Variants in GLCE observed in about 807,000 individuals in gnomAD.
The protein encoded by GLCE is glucuronic acid epimerase.
Under a neutral mutation model 47.9 loss-of-function variants are expected in GLCE, and 19 were observed. The ratio of observed to expected loss-of-function variants is 0.40; its 90% confidence interval spans 0.28 to 0.58. GLCE has a LOEUF of 0.58. Ranked by LOEUF, GLCE falls within the 20% of genes least tolerant of loss-of-function variation. GLCE has a pLI of 0.48. For missense variants in GLCE, 556 were observed against 743.3 expected, an observed-to-expected ratio of 0.75 and a Z score of 2.93; for synonymous variants, 245 against 263.4, an observed-to-expected ratio of 0.93 and a Z score of 0.68.
At chr15:69,177,684 CCTTTATCATCTTTACTTCATGCCG>C (rs71147593) in intron 1 of GLCE, among the ~76,000 whole-genome samples, 5,864 of 149,078 alleles carry the variant, frequency 0.039, 141 homozygotes, top group Non-Finnish European at 0.054. Context: ...ACTTCATGCC[CCTTTATCATCTTTACTTCATGCCG>C]CTTTATCATC....
chr15:69,170,082 C>G (rs59984450), intron 1 of GLCE, among the ~76,000 whole-genome samples: 4,270 of 151,850 alleles, frequency 0.028, 199 homozygotes, highest in African/African-American at 0.098. Context: ...AAGATAAGAC[C>G]TTAAAAAAAT....
chr15:69,188,148 C>T (rs1178317118), intron 1 of GLCE, among the ~76,000 whole-genome samples: 2 of 152,132 alleles, frequency 1.3e-5, no homozygotes, highest in African/African-American at 4.8e-5. Context: ...GAGTCTGAGG[C>T]AGAGAATCAC....
Position 69,194,477 on chromosome 15 carries a change from A to G in GLCE, c.-104-15839A>G, listed in dbSNP as rs375184574. 2.6e-5 allele frequency: 4 copies of G among 152,306 alleles called. No homozygotes were observed. In the East Asian group the frequency reaches 7.7e-4, roughly 29 times the overall value. 9.4% of individuals were successfully genotyped at this position (152,306 alleles called of 1,614,324 possible). A position where few individuals can be genotyped will look rare whatever the true frequency, so the allele number is the denominator to read the frequency against. ...GGAAGAAGTCCAGATGAAGTGACTC[A>G]TGGAACCATTTGTTTATCTGAACCT... On this transcript the variant is annotated intron_variant, in intron 1 of 4. Coordinates refer to ENST00000261858, the MANE Select transcript of GLCE (RefSeq NM_015554.3).
chr15:69,170,526 ATATG>A (rs1281883877), intron 1 of GLCE, among the ~76,000 whole-genome samples: 1 of 152,278 alleles, frequency 6.6e-6, no homozygotes, highest in Non-Finnish European at 1.5e-5. Flanking sequence ...AAATGTGTGT[ATATG>A]TATATGTTTG....
Position 69,212,595 on chromosome 15 carries a change from A to G in GLCE, c.-14+2189A>G, listed in dbSNP as rs375449934. On this transcript the variant is annotated intron_variant, in intron 2 of 4. Transcript: ENST00000261858. The stretch of plus-strand genomic sequence containing the variant: ...TTAAAGTATATGTGGCTAGATAAGA[A>G]AGGACCTGAATGGACTTGATTTGGA... Among the ~76,000 whole-genome samples, 107 of 152,178 alleles carry G rather than the reference A, an allele frequency of 7.0e-4. No homozygotes were observed. The South Asian group carries it at 7.2e-3, about 10-fold the overall frequency.
intron 2 of GLCE, among the ~76,000 whole-genome samples, chr15:69,215,828 G>A (rs2047823): frequency 3.3e-5 from 5 of 151,956 alleles, no homozygotes; most frequent in Admixed American, 3.3e-4. Context: ...TTTTTCTAAT[G>A]ACTCATAATG....
intron 1 of GLCE, among the ~76,000 whole-genome samples, chr15:69,183,984 C>T (rs1474450430): frequency 6.6e-6 from 1 of 152,140 alleles, no homozygotes; most frequent in Non-Finnish European, 1.5e-5. Flanking sequence ...GAGGAAACAC[C>T]AGAAACAGAG....
chr15:69,168,044 A>G (rs1566945086), intron 1 of GLCE, among the ~76,000 whole-genome samples: 1 of 151,150 alleles, frequency 6.6e-6, no homozygotes, highest in Non-Finnish European at 1.5e-5. Context: ...TTCCACACAT[A>G]CTCTTCCTAT....
In GLCE at chr15:69,260,252, G is replaced by GTT. The variant is rs34911776; in HGVS notation, c.587-811_587-810dup. Among the ~76,000 whole-genome samples the GTT allele has an allele frequency of 8.1e-3, 639 of 79,196 alleles. 1 individual carries two copies. The highest frequency in any genetic ancestry group is 0.015 in the African/African-American group (356 of 23,296). The allele number at this position is 79,196 out of a possible 152,430, so 52.0% of individuals were successfully genotyped here. On this transcript the variant is annotated intron_variant, in intron 3 of 4. Transcript: ENST00000261858. ...ATTTTAAATTGCCAAGTCACAACTG[G>GTT]TTTTTTTTTTTTTTTTTTTTTTTTT...
intron 1 of GLCE, chr15:69,197,554 A>AGAACCATGTATTTCAAGGACGGAATT (rs1201947659): frequency 1.3e-5 from 2 of 155,102 alleles, no homozygotes; most frequent in Non-Finnish European, 2.9e-5. Context: ...GGGTATTTTG[A>AGAACCATGTATTTCAAGGACGGAATT]GAACCATGTA....
intron 2 of GLCE, among the ~76,000 whole-genome samples, chr15:69,218,040 G>A (rs913262572): frequency 1.3e-5 from 2 of 151,178 alleles, no homozygotes; most frequent in African/African-American, 4.9e-5. Flanking sequence ...TGTAATCGCA[G>A]CTACTTGGGA....
At chr15:69,261,479 ATC>A in intron 4 of GLCE, 150 bp downstream of exon 4, 1 of 751,178 alleles carries the variant, frequency 1.3e-6, no homozygotes, top group Non-Finnish European at 2.1e-6. Context: ...CCCCAATGAA[ATC>A]TCTAAAAAAG....
chr15:69,161,485 A>C (rs954152407), intron 1 of GLCE, among the ~76,000 whole-genome samples: 7 of 149,990 alleles, frequency 4.7e-5, no homozygotes, highest in African/African-American at 1.7e-4. Flanking sequence ...CATGGTCTCC[A>C]GTCTTTTGGG....
chr15:69,256,605 A>G (rs562865384), intron 3 of GLCE, among the ~76,000 whole-genome samples: 60 of 152,360 alleles, frequency 3.9e-4, no homozygotes, highest in Non-Finnish European at 8.1e-4. Context: ...CTGGGCAAAC[A>G]GAATTATTTT....
chr15:69,240,244 A>C (rs2052648016), intron 2 of GLCE, among the ~76,000 whole-genome samples: 1 of 148,608 alleles, frequency 6.7e-6, no homozygotes, highest in Admixed American at 6.8e-5. Flanking sequence ...AGATCCCGCC[A>C]CTGCACTCCA....
chr15:69,244,328 G>A (rs1392426876), intron 2 of GLCE, among the ~76,000 whole-genome samples: 1 of 152,022 alleles, frequency 6.6e-6, no homozygotes, highest in African/African-American at 2.4e-5. Context: ...TAGATTTAAA[G>A]AAAATTCAAA....
intron 2 of GLCE, among the ~76,000 whole-genome samples, chr15:69,216,361 T>C (rs554286191): frequency 6.6e-6 from 1 of 152,264 alleles, no homozygotes; most frequent in East Asian, 1.9e-4. Flanking sequence ...TTTGGTATGT[T>C]CTTACAACTA....
chr15:69,208,887 C>T (rs376491322), intron 1 of GLCE, among the ~76,000 whole-genome samples: 1 of 151,896 alleles, frequency 6.6e-6, no homozygotes, highest in Admixed American at 6.6e-5. Flanking sequence ...CTATTTTGAA[C>T]GGTATTATTT....
At chr15:69,257,160 T>G (rs1260243596) in intron 3 of GLCE, among the ~76,000 whole-genome samples, 2 of 152,214 alleles carry the variant, frequency 1.3e-5, no homozygotes, top group Non-Finnish European at 2.9e-5. Context: ...GAAAGAAGTT[T>G]GTGCTCACTT....
Sources: gnomAD v4.1 joint callset for allele counts (sites outside exome capture counted in the v4.1 genomes callset) on GRCh38, gnomAD v4.1.1 for gene constraint, MANE v1.5 for transcripts, NCBI Gene and HGNC (gene_info 2026-07-23, HGNC 2026-07-21) for gene names.